BICRAL: variants seen among roughly 807,000 people sequenced by gnomAD.
BICRAL encodes BICRA like chromatin remodeling complex associated protein, also known as BRD4-interacting chromatin-remodeling complex-associated protein-like.
A neutral mutation model predicts 91.8 loss-of-function variants in BICRAL; 8 were observed. The ratio of observed to expected loss-of-function variants is 0.09; its 90% CI spans 0.05 to 0.16. The LOEUF is 0.16. Among genes scored for constraint, BICRAL ranks in the 10% least tolerant of loss-of-function variants. The probability of loss-of-function intolerance (pLI) is 1.00; values close to 1 mark genes in which losing one functional copy is unlikely to be tolerated. For synonymous variants in BICRAL, 445 were observed against 491.1 expected (o/e 0.91, Z 1.24); for missense variants, 1,038 against 1,310.9 (o/e 0.79, Z 3.21).
At chr6:42,816,031 C>T (rs1006122479) in intron 2 of BICRAL, among the ~76,000 whole-genome samples, 2 of 136,744 alleles carry the variant, frequency 1.5e-5, no homozygotes, top group East Asian at 2.3e-4. Flanking sequence ...TCTTTTAAGA[C>T]AGCTGATGTG....
intron 1 of BICRAL, among the ~76,000 whole-genome samples, chr6:42,750,771 T>C (rs1330890780): frequency 6.6e-6 from 1 of 151,922 alleles, no homozygotes; most frequent in Non-Finnish European, 1.5e-5. Context: ...CAGATGGGGT[T>C]TCACCATGTT....
intron 12 of BICRAL, among the ~76,000 whole-genome samples, chr6:42,863,365 C>T (rs1765616633): frequency 6.6e-6 from 1 of 150,394 alleles, no homozygotes; most frequent in Non-Finnish European, 1.5e-5. Flanking sequence ...TTTCTTTTGC[C>T]ATCCTCTGCC....
chr6:42,760,584 T>C (rs1308875738), intron 1 of BICRAL, among the ~76,000 whole-genome samples: 1 of 151,862 alleles, frequency 6.6e-6, no homozygotes, highest in Non-Finnish European at 1.5e-5. Flanking sequence ...ATTATTATTA[T>C]TATTAGAGGC....
intron 6 of BICRAL, among the ~76,000 whole-genome samples, chr6:42,848,987 C>T (rs1343076428): frequency 6.6e-6 from 1 of 152,160 alleles, no homozygotes; most frequent in African/African-American, 2.4e-5. Context: ...TGCTGTAAAA[C>T]TGGAAGATTT....
chr6:42,832,469 C>A (rs1423658988), intron 6 of BICRAL, among the ~76,000 whole-genome samples: 1 of 146,574 alleles, frequency 6.8e-6, no homozygotes, highest in Non-Finnish European at 1.5e-5. Flanking sequence ...ATTTTTTAAA[C>A]CATATACCTT....
chr6:42,820,183 G>C (rs1171014495), intron 2 of BICRAL, among the ~76,000 whole-genome samples: 1 of 152,022 alleles, frequency 6.6e-6, no homozygotes, highest in Non-Finnish European at 1.5e-5. Context: ...GAGGAACTAG[G>C]CAAGTGTGTC....
At chr6:42,827,571 G>A (rs1341519327) in intron 5 of BICRAL, among the ~76,000 whole-genome samples, 2 of 152,220 alleles carry the variant, frequency 1.3e-5, no homozygotes, top group Non-Finnish European at 2.9e-5. Flanking sequence ...TCATGTCGGT[G>A]TAGTAGCAAT....
chr6:42,834,122 G>C (rs934237963), intron 6 of BICRAL, among the ~76,000 whole-genome samples: 1 of 152,200 alleles, frequency 6.6e-6, no homozygotes, highest in Non-Finnish European at 1.5e-5. Context: ...CCGGAGTGCT[G>C]GTATAGGCAT....
intron 6 of BICRAL, among the ~76,000 whole-genome samples, chr6:42,846,422 GT>G (rs2114001212): frequency 7.1e-6 from 1 of 139,884 alleles, no homozygotes; most frequent in East Asian, 2.0e-4. Context: ...TAAATAAAGA[GT>G]TATAGATTCC....
chr6:42,858,511 GT>G (rs1310804569), intron 10 of BICRAL, among the ~76,000 whole-genome samples: 5 of 91,684 alleles, frequency 5.5e-5, no homozygotes, highest in African/African-American at 9.1e-5. Context: ...GCAAGACTCT[GT>G]TTTAAAAAAA....
chr6:42,863,193 C>T (rs1020216784), intron 12 of BICRAL, among the ~76,000 whole-genome samples: 5 of 152,088 alleles, frequency 3.3e-5, no homozygotes, highest in East Asian at 1.9e-4. Flanking sequence ...GGACTACAGG[C>T]GCCTGCAACC....
intron 1 of BICRAL, among the ~76,000 whole-genome samples, chr6:42,773,017 C>A (rs760763127): frequency 6.6e-6 from 1 of 151,922 alleles, no homozygotes; most frequent in Non-Finnish European, 1.5e-5. Context: ...ACCCAATAAC[C>A]CAATGAGGTC....
chr6:42,864,839 T>C lies in BICRAL; in HGVS notation c.2633T>C (p.Phe878Ser), dbSNP rs992865463. 1.2e-6 allele frequency: 2 copies of C among 1,614,100 alleles called. No individual in the cohort carries two copies. Among genetic ancestry groups the C allele is most frequent in the Non-Finnish European group, 8.5e-7 (1 of 1,180,006 alleles). The stretch of plus-strand genomic sequence containing the variant: ...ACGGAACCCATGAATCATGACCAGT[T>C]TCATCTAGTGCCTAATCACATCGTG... ...GVTEPMNHDQ[F>S]HLVPNHIVVS... The change falls in exon 13 of 13, where the codon TTT becomes TCT. Residue 878 changes from phenylalanine (F) to serine (S), a missense_variant. Around this residue, in one of 5 missense-constraint regions of BICRAL, gnomAD observed 294 missense variants for 292.6 expected, o/e 1.00. Coordinates refer to ENST00000314073, the MANE Select transcript of BICRAL (RefSeq NM_001393499.1).
chr6:42,848,878 G>C (rs1391589820), intron 6 of BICRAL, among the ~76,000 whole-genome samples: 1 of 152,104 alleles, frequency 6.6e-6, no homozygotes, highest in African/African-American at 2.4e-5. Context: ...GGCTGGGCTT[G>C]GTGGCTCAAG....
intron 1 of BICRAL, among the ~76,000 whole-genome samples, chr6:42,756,190 G>T (rs908032272): frequency 6.6e-6 from 1 of 152,034 alleles, no homozygotes; most frequent in Non-Finnish European, 1.5e-5. Context: ...CCACTTATCC[G>T]ACTTCTGCCC....
intron 6 of BICRAL, among the ~76,000 whole-genome samples, chr6:42,832,371 A>G (rs1330646989): frequency 6.8e-6 from 1 of 147,136 alleles, no homozygotes; most frequent in African/African-American, 2.5e-5. Context: ...TATATATTAT[A>G]TATATATGTA....
upstream of BICRAL, among the ~76,000 whole-genome samples, chr6:42,780,722 G>GTAA (rs1762885645): frequency 1.4e-5 from 2 of 148,038 alleles, no homozygotes; most frequent in Non-Finnish European, 3.0e-5. Context: ...TCCAGGCCAC[G>GTAA]TAATGTTGTT....
At chr6:42,783,854 C>T (rs1021847225) in intron 1 of BICRAL, among the ~76,000 whole-genome samples, 2 of 152,228 alleles carry the variant, frequency 1.3e-5, no homozygotes, top group African/African-American at 4.8e-5. Flanking sequence ...ATTTTCTCTC[C>T]TGCGGTCTGA....
chr6:42,763,855 G>A (rs897889288), intron 1 of BICRAL, among the ~76,000 whole-genome samples: 6 of 148,968 alleles, frequency 4.0e-5, no homozygotes, highest in South Asian at 4.2e-4. Context: ...AAAAACGAGC[G>A]TTTTCAAAAT....
Sources: allele counts gnomAD v4.1 joint callset (sites outside exome capture counted in the v4.1 genomes callset), GRCh38; gene constraint gnomAD v4.1.1; regional missense constraint gnomAD v4.1.1; transcripts MANE v1.5; gene names NCBI Gene and HGNC (gene_info 2026-07-23, HGNC 2026-07-21).